The following IGSF9B variants were observed in gnomAD, a reference collection of about 807,000 sequenced individuals.
IGSF9B encodes immunoglobulin superfamily member 9B.
Under a neutral mutation model 143.7 loss-of-function variants are expected in IGSF9B, and 48 were observed. The observed-to-expected ratio is 0.33, with a 90% confidence interval of 0.26 to 0.42. The LOEUF is 0.42. IGSF9B is among the 20% of genes least tolerant of loss of function. The pLI is 1.00. For synonymous variants in IGSF9B, 903 were observed against 833.1 expected (o/e 1.08, Z -1.44); for missense variants, 1,706 against 1,980.0 (o/e 0.86, Z 2.63).
intron 11 of IGSF9B, 132 bp from the exon 12 acceptor site, chr11:133,929,914 T>C: frequency 4.8e-6 from 3 of 630,838 alleles, no homozygotes; most frequent in Admixed American, 2.6e-5. Flanking sequence ...AGTGAAGGGA[T>C]GGGGGCGACG....
intron 13 of IGSF9B, among the ~76,000 whole-genome samples, 172 bp from the exon 14 acceptor site, chr11:133,926,137 A>G (rs1423779972): frequency 6.6e-6 from 1 of 152,224 alleles, no homozygotes; most frequent in Non-Finnish European, 1.5e-5. Context: ...ACATGAGGGA[A>G]TCGTGTACTG....
rs1245975242 is a variant in IGSF9B at position 133,944,431 on chromosome 11, CT to C, written c.263-66del. On this transcript the variant is annotated intron_variant, in intron 2 of 19. Transcript: ENST00000533871. ...GGTAAGGACAGCAGCTCCCCGCCCC[CT>C]GCCCCAGCTAAAGACAGGGGACTCA... The C allele has an allele frequency of 9.8e-6, 15 of 1,532,166 alleles. No individual in the cohort carries two copies. The East Asian group carries it at 3.0e-4, about 30-fold the overall frequency. The allele number at this position is 1,532,166 out of a possible 1,614,324, so 94.9% of individuals were successfully genotyped here.
rs1591710989 is a variant in IGSF9B, at chr11:133,919,993, T to TGCAGCC, written c.3726_3731dup (p.Ala1243_Ala1244dup). ...GCGTAGACTTTCGAGAAAAGCTGAC[T>TGCAGCC]GCAGCCGGCGGCTGCAGGGTGATCT... On this transcript the variant is annotated inframe_insertion, in exon 18 of 20. Coordinates refer to ENST00000533871, the MANE Select transcript of IGSF9B (RefSeq NM_001277285.4). The TGCAGCC allele has an allele frequency of 6.3e-7, 1 of 1,581,748 alleles. No homozygotes were observed. The highest frequency in any genetic ancestry group is 8.6e-7 in the Non-Finnish European group (1 of 1,163,784).
Position 133,903,617 on chromosome 11 carries a change from G to A in IGSF9B, c.*5452C>T, listed in dbSNP as rs1565410354. Among the ~76,000 whole-genome samples, 1 of 152,232 alleles carries A rather than the reference G, an allele frequency of 6.6e-6. No homozygotes were observed. The highest frequency in any genetic ancestry group is 2.1e-4 in the South Asian group (1 of 4,828). ...CCTACATGGGATCCCTCAGGGGATG[G>A]TGGTGTCTTTGGACCAAATTCAATC... On this transcript the variant is annotated 3_prime_UTR_variant, in exon 20 of 20. Transcript: ENST00000533871.
At chr11:133,956,626 G>A in intron 1 of IGSF9B, 65 bp downstream of exon 1, 1 of 1,115,200 alleles carries the variant, frequency 9.0e-7, no homozygotes, top group South Asian at 1.4e-5. Flanking sequence ...GGAAACCGAG[G>A]GGCCGGGCGC....
At chr11:133,911,201 G>A (rs1939296074) in intron 19 of IGSF9B, among the ~76,000 whole-genome samples, 1 of 152,188 alleles carries the variant, frequency 6.6e-6, no homozygotes, top group African/African-American at 2.4e-5. Flanking sequence ...AAATATTAAA[G>A]AATTTTCTAG....
intron 18 of IGSF9B, among the ~76,000 whole-genome samples, chr11:133,917,130 C>A (rs970536770): frequency 6.6e-6 from 1 of 152,302 alleles, no homozygotes; most frequent in Admixed American, 6.5e-5. Flanking sequence ...GTCTCCTTCT[C>A]GCCTGGAAAG....
In IGSF9B at chr11:133,921,513, T is replaced by G; in HGVS notation, c.2328-116A>C. The G allele has an allele frequency of 5.4e-6, 4 of 745,012 alleles. No homozygotes were observed. In the South Asian group the frequency reaches 9.0e-5, roughly 17 times the overall value. The allele number at this position is 745,012 out of a possible 1,614,324, so 46.2% of individuals were successfully genotyped here. A position where few individuals can be genotyped will look rare whatever the true frequency, so the allele number is the denominator to read the frequency against. On this transcript the variant is annotated intron_variant, in intron 17 of 19. Transcript: ENST00000533871. ...CCAGGATCCTCACGCTCAAGAAAAC[T>G]GGCTGTGTATCGTGGTGTGAAATGC... is the stretch of plus-strand genomic sequence containing the variant.
In IGSF9B at chr11:133,913,759, G is replaced by A. The variant is rs986506693; in HGVS notation, c.3984-1752C>T. ...GCAGACAAAGGGTGCAGGTGCCCGGGCGGGAGGCAGCACACCTTCCCAGTG... is the reference window on the plus strand; with the variant it reads ...GCAGACAAAGGGTGCAGGTGCCCGGACGGGAGGCAGCACACCTTCCCAGTG... On this transcript the variant is annotated intron_variant, in intron 18 of 19. Transcript: ENST00000533871. The surrounding 1 kb of genome is among the most constrained non-coding windows in gnomAD (Gnocchi z 4.6). Among the ~76,000 whole-genome samples, 2 of 152,194 alleles carry A rather than the reference G, an allele frequency of 1.3e-5. No homozygotes were observed. The highest frequency in any genetic ancestry group is 1.3e-4 in the Admixed American group (2 of 15,280).
In IGSF9B at chr11:133,924,839, G is replaced by C. The variant is rs117328238; in HGVS notation, c.2100C>G (p.Ile700Met). The C allele has an allele frequency of 2.5e-6, 4 of 1,613,782 alleles. No homozygotes were observed. The South Asian group carries it at 3.3e-5, about 13-fold the overall frequency. ...AAATACCTGTGCTGGAGACGCCGGCGATGTTGCTGGGCTCGCTGATCAGAT... is the reference window on the plus strand; with the variant it reads ...AAATACCTGTGCTGGAGACGCCGGCCATGTTGCTGGGCTCGCTGATCAGAT... Reference protein sequence around the residue: ...MQDLISEPSNIAGVSSTDIFP... With the variant: ...MQDLISEPSNMAGVSSTDIFP... The change falls in exon 15 of 20, where the codon ATC (isoleucine) becomes ATG (methionine). Residue 700 changes from isoleucine (I) to methionine (M), a missense_variant. Ile to Met is a conservative substitution (Grantham distance 10). This residue lies in a region of IGSF9B where 267 missense variants were observed against 321.1 expected (regional missense o/e 0.83). Transcript: ENST00000533871.
chr11:133,935,902 G>A (rs967095947), intron 6 of IGSF9B, 140 bp from the exon 7 acceptor site: 1 of 1,388,410 alleles, frequency 7.2e-7, no homozygotes, highest in Non-Finnish European at 9.7e-7. Context: ...TGCAGACCCT[G>A]GCCTTGGCAT....
Position 133,921,205 on chromosome 11 carries a change from C to T in IGSF9B, c.2520G>A (p.Glu840=), listed in dbSNP as rs778172020. 4 of 1,609,258 alleles carry T rather than the reference C, an allele frequency of 2.5e-6. No individual in the cohort carries two copies. In the South Asian group the frequency reaches 4.4e-5, roughly 18 times the overall value. The change falls in exon 18 of 20, where the codon GAG becomes GAA. Residue 840 remains glutamate, a synonymous_variant. Transcript: ENST00000533871. ...GCTCGATGGGCGTGGTGGCCTCTGC[C>T]TCGGCCTCTGCCTTGGCCACGCTGT... is the stretch of plus-strand genomic sequence containing the variant. ...KKYSVAKAEA[E]AEATTPIELI...
At chr11:133,921,522 A>G (rs1208764834) in intron 17 of IGSF9B, 125 bp from the exon 18 acceptor site, 1 of 696,128 alleles carries the variant, frequency 1.4e-6, no homozygotes, top group Non-Finnish European at 2.3e-6. Context: ...CTGGCTGTGT[A>G]TCGTGGTGTG....
intron 18 of IGSF9B, chr11:133,918,899 A>G: frequency 2.2e-6 from 1 of 450,818 alleles, no homozygotes. Context: ...GATGGTGAGG[A>G]AGGAAGATAG....
At position 133,953,606 on chromosome 11, in the gene IGSF9B, A is replaced by C. The variant is rs551143452; in HGVS notation, c.64+3085T>G. Among the ~76,000 whole-genome samples, 3 of 152,384 alleles carry C rather than the reference A, an allele frequency of 2.0e-5. No homozygotes were observed. The highest frequency in any genetic ancestry group is 2.0e-4 in the Admixed American group (3 of 15,310). On this transcript the variant is annotated intron_variant, in intron 1 of 19. Coordinates refer to ENST00000533871, the MANE Select transcript of IGSF9B (RefSeq NM_001277285.4). This position sits in a 1 kb window ranked among gnomAD's most constrained non-coding sequence, Gnocchi z 4.2. ...AGAGGGCAATGGCCCAACTACCAGC[A>C]GGATCTGAGTCAGAACCTCACTGTA...
In IGSF9B at chr11:133,913,742, A is replaced by G. The variant is rs1173561202; in HGVS notation, c.3984-1735T>C. ...GGGAAGGAAGCGGGAAGGCAGACAA[A>G]GGGTGCAGGTGCCCGGGCGGGAGGC... On this transcript the variant is annotated intron_variant, in intron 18 of 19. Coordinates refer to ENST00000533871, the MANE Select transcript of IGSF9B (RefSeq NM_001277285.4). The surrounding 1 kb of genome is among the most constrained non-coding windows in gnomAD (Gnocchi z 4.6). Among the ~76,000 whole-genome samples the G allele has an allele frequency of 6.6e-6, 1 of 152,232 alleles. No homozygotes were observed. The highest frequency in any genetic ancestry group is 1.5e-5 in the Non-Finnish European group (1 of 68,046).
chr11:133,943,998 G>A lies in IGSF9B; in HGVS notation c.409+222C>T, dbSNP rs372347054. Among the ~76,000 whole-genome samples the A allele has an allele frequency of 4.6e-5, 7 of 152,350 alleles. No individual in the cohort carries two copies. In the East Asian group the frequency reaches 7.7e-4, roughly 17 times the overall value. ...GACAGCACCACACATGCAGGGAGCT[G>A]CCGCTCCTGGGCACCTGCACTGCCT... On this transcript the variant is annotated intron_variant, in intron 3 of 19. Coordinates refer to ENST00000533871, the MANE Select transcript of IGSF9B (RefSeq NM_001277285.4).
At chr11:133,936,574 G>A (rs1261426912) in intron 5 of IGSF9B, among the ~76,000 whole-genome samples, 1 of 152,180 alleles carries the variant, frequency 6.6e-6, no homozygotes, top group African/African-American at 2.4e-5. Context: ...GGGGTGCAGG[G>A]GCCGAGGAGT....
intron 4 of IGSF9B, 61 bp downstream of exon 4, chr11:133,937,749 A>G: frequency 6.4e-7 from 1 of 1,559,468 alleles, no homozygotes; most frequent in Non-Finnish European, 8.7e-7. Flanking sequence ...CTGCAGTAGG[A>G]GGCTGCCCTG....
Sources: gnomAD v4.1 joint callset for allele counts (sites outside exome capture counted in the v4.1 genomes callset) on GRCh38, gnomAD v4.1.1 for gene constraint, gnomAD v4.1.1 regional missense constraint, Gnocchi (gnomAD v3.1) non-coding constraint, MANE v1.5 for transcripts, NCBI Gene and HGNC (gene_info 2026-07-23, HGNC 2026-07-21) for gene names.